The following PRR16 variants were observed in gnomAD, a reference collection of about 807,000 sequenced individuals.
PRR16 encodes protein Largen.
Under a neutral mutation model 18.2 loss-of-function variants are expected in PRR16, and 6 were observed. The ratio of observed to expected loss-of-function variants is 0.33; its 90% CI spans 0.18 to 0.65. The LOEUF is 0.65. Ranked by LOEUF, PRR16 falls within the 30% of genes least tolerant of loss-of-function variation. The pLI, the probability that PRR16 is intolerant of heterozygous loss-of-function variation, is 0.74. For missense variants in PRR16, 412 were observed against 376.6 expected (o/e 1.09, Z -0.78); for synonymous variants, 151 against 147.8 (o/e 1.02, Z -0.16).
the PRR16 span, among the ~76,000 whole-genome samples, chr5:120,742,326 A>G: frequency 1.4e-5 from 2 of 139,094 alleles, no homozygotes; most frequent in African/African-American, 5.4e-5. Flanking sequence ...ATGTCTGTGT[A>G]TGCAGGTATG....
chr5:120,698,822 C>T, the PRR16 span, among the ~76,000 whole-genome samples: 1,325 of 152,116 alleles, frequency 8.7e-3, 14 homozygotes, highest in African/African-American at 0.031. Context: ...TTCTACTTTT[C>T]TTGAAGATGG....
Position 120,524,225 on chromosome 5 carries a change from T to C in PRR16, c.159+59580T>C, listed in dbSNP as rs559264240. ...TCTTTCTGCAGGATATAGTTTTTAA[T>C]ATCTTCCCAAAATGTTCTTACAGAA... On this transcript the variant is annotated intron_variant, in intron 1 of 1. Coordinates refer to ENST00000407149, the MANE Select transcript of PRR16 (RefSeq NM_001300783.2). 3.9e-5 allele frequency among the ~76,000 whole-genome samples: 6 copies of C among 152,298 alleles called. No homozygotes were observed. The South Asian group carries it at 1.2e-3, about 32-fold the overall frequency.
chr5:120,689,503 A>C (rs1757185812), downstream of PRR16, among the ~76,000 whole-genome samples: 1 of 152,170 alleles, frequency 6.6e-6, no homozygotes. Context: ...TAAAGACCAT[A>C]AACAGAAATG....
chr5:120,791,332 A>G, the PRR16 span, among the ~76,000 whole-genome samples: 1 of 152,100 alleles, frequency 6.6e-6, no homozygotes, highest in Non-Finnish European at 1.5e-5. Flanking sequence ...TCTGAAAAAC[A>G]TGGTATATTT....
At chr5:120,616,515 A>G (rs551063570) in intron 1 of PRR16, among the ~76,000 whole-genome samples, 1 of 152,238 alleles carries the variant, frequency 6.6e-6, no homozygotes, top group Admixed American at 6.5e-5. Flanking sequence ...GCCCATTCAC[A>G]TTTTGTTCAG....
chr5:120,749,895 C>A, the PRR16 span, among the ~76,000 whole-genome samples: 2 of 152,038 alleles, frequency 1.3e-5, no homozygotes, highest in Non-Finnish European at 1.5e-5. Flanking sequence ...ATCAAACTTT[C>A]TTCTGTAGAT....
At chr5:120,516,381 C>G (rs1274733982) in intron 1 of PRR16, among the ~76,000 whole-genome samples, 2 of 139,836 alleles carry the variant, frequency 1.4e-5, no homozygotes, top group African/African-American at 2.6e-5. Context: ...GCCGAAATCA[C>G]ACACTGCATT....
In PRR16 at chr5:120,469,475, G is replaced by A. The variant is rs542130167; in HGVS notation, c.159+4830G>A. On this transcript the variant is annotated intron_variant, in intron 1 of 1. Coordinates refer to ENST00000407149, the MANE Select transcript of PRR16 (RefSeq NM_001300783.2). ...GTAGCTGGGACTAGAGGCATGCGCCGCCATGCCTGGCTAATTTTTAATTTT... is the reference window on the plus strand; with the variant it reads ...GTAGCTGGGACTAGAGGCATGCGCCACCATGCCTGGCTAATTTTTAATTTT... Among the ~76,000 whole-genome samples, 130 of 151,090 alleles carry A rather than the reference G, an allele frequency of 8.6e-4. 1 individual carries two copies. Among genetic ancestry groups the A allele is most frequent in the African/African-American group, 2.9e-3 (119 of 41,124 alleles).
At chr5:120,762,220 G>T in the PRR16 span, among the ~76,000 whole-genome samples, 305 of 152,048 alleles carry the variant, frequency 2.0e-3, 1 homozygote, top group African/African-American at 7.0e-3. Flanking sequence ...TCCTTTCCTT[G>T]GATAAATATC....
chr5:120,737,786 A>G, the PRR16 span, among the ~76,000 whole-genome samples: 6 of 152,016 alleles, frequency 3.9e-5, no homozygotes, highest in African/African-American at 1.4e-4. Flanking sequence ...TGCTGATTCA[A>G]TCACCTCACT....
At chr5:120,487,311 G>A (rs993995482) in intron 1 of PRR16, among the ~76,000 whole-genome samples, 6 of 151,930 alleles carry the variant, frequency 3.9e-5, no homozygotes, top group Admixed American at 2.6e-4. Flanking sequence ...TTTGCATCCT[G>A]TTTTATTTCA....
intron 1 of PRR16, among the ~76,000 whole-genome samples, chr5:120,634,432 TGAG>T (rs1755160739): frequency 6.6e-6 from 1 of 152,028 alleles, no homozygotes; most frequent in Non-Finnish European, 1.5e-5. Flanking sequence ...TCAATTGAGG[TGAG>T]GAGCTCAAGA....
chr5:120,577,663 A>G (rs1561554742), intron 1 of PRR16, among the ~76,000 whole-genome samples: 1 of 152,180 alleles, frequency 6.6e-6, no homozygotes, highest in Non-Finnish European at 1.5e-5. Context: ...TTCTATTAAC[A>G]AGACTGTATT....
At chr5:120,757,866 C>T in the PRR16 span, among the ~76,000 whole-genome samples, 1 of 151,916 alleles carries the variant, frequency 6.6e-6, no homozygotes, top group Admixed American at 6.6e-5. Context: ...AAAAATGGAA[C>T]TATAGTTTTC....
the PRR16 span, among the ~76,000 whole-genome samples, chr5:120,694,608 C>T: frequency 6.6e-6 from 1 of 151,392 alleles, no homozygotes; most frequent in Non-Finnish European, 1.5e-5. Flanking sequence ...GGCGTGAACC[C>T]CAGGGGGCGG....
the PRR16 span, among the ~76,000 whole-genome samples, chr5:120,718,774 T>C: frequency 1.3e-5 from 2 of 152,126 alleles, no homozygotes; most frequent in Admixed American, 6.6e-5. Context: ...GGTTCAGCTT[T>C]AGGTAGGCAG....
intron 1 of PRR16, among the ~76,000 whole-genome samples, chr5:120,573,417 C>A (rs1291676098): frequency 4.6e-5 from 7 of 152,102 alleles, no homozygotes; most frequent in Non-Finnish European, 1.0e-4. Flanking sequence ...CTCAACTGGC[C>A]ATAGTTCACA....
chr5:120,499,171 G>A (rs912773734), intron 1 of PRR16, among the ~76,000 whole-genome samples: 1 of 150,716 alleles, frequency 6.6e-6, no homozygotes, highest in East Asian at 2.0e-4. Flanking sequence ...GTGCAATGGC[G>A]TGATCTCGGC....
chr5:120,755,608 A>G, the PRR16 span, among the ~76,000 whole-genome samples: 1 of 152,134 alleles, frequency 6.6e-6, no homozygotes, highest in Non-Finnish European at 1.5e-5. Flanking sequence ...TATATGTACC[A>G]TATTTTCTTT....
Sources: allele counts gnomAD v4.1 joint callset (sites outside exome capture counted in the v4.1 genomes callset), GRCh38; gene constraint gnomAD v4.1.1; transcripts MANE v1.5; gene names NCBI Gene and HGNC (gene_info 2026-07-23, HGNC 2026-07-21).